The following AGBL4 variants were observed in gnomAD, a reference collection of about 807,000 sequenced individuals.
The protein encoded by AGBL4 is cytosolic carboxypeptidase 6.
AGBL4 carries 58 observed loss-of-function variants against 66.4 expected under a neutral mutation model. That is an observed-to-expected ratio of 0.87 (90% confidence interval 0.71 to 1.09). The LOEUF (loss-of-function observed/expected upper bound fraction) is 1.09. Among genes scored for constraint, AGBL4 ranks in the 50% least tolerant of loss-of-function variants. The pLI is 0.00. For missense variants in AGBL4, 579 were observed against 631.0 expected (o/e 0.92, Z 0.88); for synonymous variants, 234 against 222.9 (o/e 1.05, Z -0.44).
At chr1:48,758,823 C>T in intron 6 of AGBL4, 1 of 1,348,302 alleles carries the variant, frequency 7.4e-7, no homozygotes, top group East Asian at 2.5e-5. Context: ...TCCCTCTCCC[C>T]TTTCCCTTCC....
chr1:49,341,584 G>A (rs1645539778), intron 3 of AGBL4, among the ~76,000 whole-genome samples: 1 of 152,166 alleles, frequency 6.6e-6, no homozygotes, highest in African/African-American at 2.4e-5. Flanking sequence ...ATTAAAAATA[G>A]ATTTGGCACT....
chr1:48,749,619 T>C (rs1441127496), intron 6 of AGBL4, among the ~76,000 whole-genome samples: 1 of 152,122 alleles, frequency 6.6e-6, no homozygotes, highest in Non-Finnish European at 1.5e-5. Flanking sequence ...CCTCAGCTCA[T>C]CTCTGACTTT....
At chr1:49,665,593 T>C (rs540566992) in intron 3 of AGBL4, among the ~76,000 whole-genome samples, 1 of 152,262 alleles carries the variant, frequency 6.6e-6, no homozygotes, top group Admixed American at 6.5e-5. Context: ...GCCAAGATTC[T>C]CTATTCTTAA....
chr1:49,653,208 C>A (rs1049705466), intron 3 of AGBL4, among the ~76,000 whole-genome samples: 1 of 151,974 alleles, frequency 6.6e-6, no homozygotes, highest in Non-Finnish European at 1.5e-5. Context: ...GGACCCCAAG[C>A]AAAACGCAGC....
chr1:49,079,565 G>A (rs894268448), intron 4 of AGBL4, among the ~76,000 whole-genome samples: 2 of 152,118 alleles, frequency 1.3e-5, no homozygotes, highest in South Asian at 2.1e-4. Context: ...CTCTTGACAC[G>A]TGGGGATTAC....
At chr1:49,191,415 T>C (rs1360509071) in intron 4 of AGBL4, among the ~76,000 whole-genome samples, 1 of 152,198 alleles carries the variant, frequency 6.6e-6, no homozygotes, top group Admixed American at 6.5e-5. Flanking sequence ...GCATACTATG[T>C]GTATGTAATA....
chr1:48,976,543 G>T (rs532450145), intron 5 of AGBL4, among the ~76,000 whole-genome samples: 2 of 152,190 alleles, frequency 1.3e-5, no homozygotes, highest in East Asian at 3.9e-4. Context: ...ATCATCCATG[G>T]GTTATATTAA....
At chr1:49,399,749 C>T (rs1445674248) in intron 3 of AGBL4, among the ~76,000 whole-genome samples, 2 of 151,826 alleles carry the variant, frequency 1.3e-5, no homozygotes, top group African/African-American at 4.8e-5. Context: ...GGTTATTAAT[C>T]CCTTGTCAGA....
intron 5 of AGBL4, among the ~76,000 whole-genome samples, chr1:48,941,362 C>T (rs6588154): frequency 0.25 from 37,309 of 152,096 alleles, 5,613 homozygotes; most frequent in African/African-American, 0.43. Flanking sequence ...ATTTCTGGCA[C>T]TGGGATACAG....
At chr1:49,557,647 T>G (rs1643936672) in intron 3 of AGBL4, among the ~76,000 whole-genome samples, 1 of 152,078 alleles carries the variant, frequency 6.6e-6, no homozygotes, top group Non-Finnish European at 1.5e-5. Context: ...CTGCAAACCC[T>G]ACCACCAAGG....
chr1:50,002,393 G>T (rs1031617001), intron 1 of AGBL4, among the ~76,000 whole-genome samples: 1 of 113,106 alleles, frequency 8.8e-6, no homozygotes. Flanking sequence ...TTTTTGAGAC[G>T]GAGTCTCGCT....
At chr1:49,597,000 A>G (rs1010418044) in intron 3 of AGBL4, among the ~76,000 whole-genome samples, 3 of 152,214 alleles carry the variant, frequency 2.0e-5, no homozygotes, top group Admixed American at 2.0e-4. Flanking sequence ...CATGCATATT[A>G]AAGTGCATGC....
At chr1:49,834,641 T>G (rs188936549) in intron 2 of AGBL4, among the ~76,000 whole-genome samples, 23 of 152,332 alleles carry the variant, frequency 1.5e-4, no homozygotes, top group Admixed American at 7.2e-4. Flanking sequence ...CTTTTGATTC[T>G]CTAGTTCTTT....
intron 6 of AGBL4, among the ~76,000 whole-genome samples, chr1:48,797,227 T>C (rs1398217959): frequency 6.6e-6 from 1 of 152,206 alleles, no homozygotes; most frequent in African/African-American, 2.4e-5. Flanking sequence ...ATAATGACTT[T>C]CTTTTATTTT....
chr1:49,127,917 A>G (rs1350215199), intron 4 of AGBL4, among the ~76,000 whole-genome samples: 2 of 152,140 alleles, frequency 1.3e-5, no homozygotes, highest in Non-Finnish European at 2.9e-5. Context: ...TGTAAACTCT[A>G]CAATGCCCAA....
At chr1:49,254,643 T>C (rs1308020194) in intron 3 of AGBL4, among the ~76,000 whole-genome samples, 1 of 152,146 alleles carries the variant, frequency 6.6e-6, no homozygotes, top group East Asian at 1.9e-4. Flanking sequence ...TTGAGATTCT[T>C]CACAGAACTA....
chr1:49,853,925 C>T (rs933230043), intron 1 of AGBL4, among the ~76,000 whole-genome samples: 10 of 151,804 alleles, frequency 6.6e-5, no homozygotes, highest in East Asian at 5.8e-4. Flanking sequence ...TTGTAAGAAA[C>T]GCCAACAATA....
At chr1:48,706,816 G>A (rs1239135505) in intron 6 of AGBL4, among the ~76,000 whole-genome samples, 1 of 152,202 alleles carries the variant, frequency 6.6e-6, no homozygotes, top group Non-Finnish European at 1.5e-5. Context: ...ATCCAGAGCT[G>A]TTACCTGGAT....
chr1:49,774,511 G>A (rs527464829), intron 2 of AGBL4, among the ~76,000 whole-genome samples: 99 of 152,306 alleles, frequency 6.5e-4, no homozygotes, highest in Non-Finnish European at 1.2e-3. Context: ...ATGAGAGCCA[G>A]GCCACTGTAG....
Sources: allele counts gnomAD v4.1 joint callset (sites outside exome capture counted in the v4.1 genomes callset), GRCh38; gene constraint gnomAD v4.1.1; transcripts MANE v1.5; gene names NCBI Gene and HGNC (gene_info 2026-07-23, HGNC 2026-07-21).